The following RAB27A variants were observed in gnomAD, a reference collection of about 807,000 sequenced individuals.
RAB27A encodes ras-related protein Rab-27A.
RAB27A carries 17 observed loss-of-function variants against 20.8 expected under a neutral mutation model. The observed-to-expected ratio is 0.82, with a 90% CI of 0.56 to 1.23. RAB27A has a LOEUF of 1.23. Among genes scored for constraint, RAB27A ranks in the 50% most tolerant of loss-of-function variants. The pLI, the probability that RAB27A is intolerant of heterozygous loss-of-function variation, is 0.00. For missense variants in RAB27A, 277 were observed against 266.7 expected, an observed-to-expected ratio of 1.04 and a Z score of -0.27; for synonymous variants, 85 against 92.8, an observed-to-expected ratio of 0.92 and a Z score of 0.48.
upstream of RAB27A, among the ~76,000 whole-genome samples, chr15:55,290,693 G>C (rs140702846): frequency 2.6e-5 from 4 of 152,362 alleles, no homozygotes; most frequent in African/African-American, 7.2e-5. Context: ...CTGGGACTGC[G>C]TAGGGGGTCA....
At chr15:55,311,630 C>T (rs1300009000) in intron 2 of RAB27A, among the ~76,000 whole-genome samples, 2 of 152,184 alleles carry the variant, frequency 1.3e-5, no homozygotes, top group African/African-American at 4.8e-5. Context: ...CTCCTTATGC[C>T]TTCTTTTCTA....
chr15:55,280,031 A>G (rs967387020), intron 1 of RAB27A, among the ~76,000 whole-genome samples: 2 of 152,138 alleles, frequency 1.3e-5, no homozygotes, highest in Non-Finnish European at 2.9e-5. Context: ...CTGCATTTCT[A>G]TGTTCCCAGG....
intron 2 of RAB27A, among the ~76,000 whole-genome samples, chr15:55,251,507 T>C (rs1896889266): frequency 6.6e-6 from 1 of 152,090 alleles, no homozygotes; most frequent in Non-Finnish European, 1.5e-5. Flanking sequence ...GGTGATCCTT[T>C]CTTGTATCTA....
At chr15:55,222,131 A>C (rs181649866) in intron 6 of RAB27A, among the ~76,000 whole-genome samples, 111 of 152,224 alleles carry the variant, frequency 7.3e-4, no homozygotes, top group Non-Finnish European at 1.4e-3. Flanking sequence ...CTGCCTGAGA[A>C]ACTCCTCCAA....
chr15:55,221,305 A>T (rs1895558375), intron 6 of RAB27A, among the ~76,000 whole-genome samples: 1 of 151,862 alleles, frequency 6.6e-6, no homozygotes, highest in Non-Finnish European at 1.5e-5. Flanking sequence ...GCATTTACTG[A>T]CATACTCTCA....
intron 2 of RAB27A, among the ~76,000 whole-genome samples, chr15:55,308,512 G>A (rs1049249716): frequency 2.0e-5 from 3 of 152,182 alleles, no homozygotes; most frequent in African/African-American, 7.2e-5. Context: ...TGCATACCCT[G>A]CTTTTTGAAG....
At chr15:55,274,829 T>TAGAGAGAG (rs1555399479) in intron 1 of RAB27A, among the ~76,000 whole-genome samples, 2 of 139,008 alleles carry the variant, frequency 1.4e-5, no homozygotes, top group African/African-American at 5.2e-5. Flanking sequence ...TATATATGTA[T>TAGAGAGAG]AGAGAGAGAC....
rs990339977 is a variant in RAB27A at position 55,209,874 on chromosome 15, A to G, written c.468-4169T>C. ...TATGTGTGTATATACATATATACAT[A>G]TATGTGTGTGTATACATATATACAC... On this transcript the variant is annotated intron_variant, in intron 6 of 6. Coordinates refer to ENST00000336787, the MANE Select transcript of RAB27A (RefSeq NM_183235.3). 1.9e-4 allele frequency among the ~76,000 whole-genome samples: 3 copies of G among 15,394 alleles called. 1 individual carries two copies. The allele number at this position is 15,394 out of a possible 152,430, so 10.1% of individuals were successfully genotyped here.
chr15:55,211,933 T>C (rs2140918834), intron 6 of RAB27A, among the ~76,000 whole-genome samples: 1 of 151,780 alleles, frequency 6.6e-6, no homozygotes, highest in South Asian at 2.1e-4. Flanking sequence ...TGCTATTTTA[T>C]TAAATGAGTT....
intron 2 of RAB27A, among the ~76,000 whole-genome samples, chr15:55,302,034 G>A (rs535724042): frequency 1.1e-4 from 17 of 152,060 alleles, no homozygotes; most frequent in Admixed American, 9.2e-4. Context: ...ACAATTAGCC[G>A]ACCATGGTAG....
chr15:55,274,989 G>C (rs943537902), intron 1 of RAB27A, among the ~76,000 whole-genome samples: 1 of 151,328 alleles, frequency 6.6e-6, no homozygotes, highest in Non-Finnish European at 1.5e-5. Context: ...AGTGGCTCAC[G>C]CCTGTAATCC....
intron 2 of RAB27A, among the ~76,000 whole-genome samples, chr15:55,242,222 C>G (rs1896521549): frequency 6.6e-6 from 1 of 152,176 alleles, no homozygotes; most frequent in Non-Finnish European, 1.5e-5. Context: ...AACTGAACAG[C>G]AACATGTAAT....
At chr15:55,219,747 G>A (rs937725971) in intron 6 of RAB27A, among the ~76,000 whole-genome samples, 17 of 152,130 alleles carry the variant, frequency 1.1e-4, no homozygotes, top group Non-Finnish European at 2.4e-4. Flanking sequence ...TTGGCTGGCA[G>A]GAGTGCAAAT....
chr15:55,256,774 C>A (rs2141053558), intron 2 of RAB27A, among the ~76,000 whole-genome samples: 1 of 152,210 alleles, frequency 6.6e-6, no homozygotes, highest in South Asian at 2.1e-4. Flanking sequence ...GGTCACCATC[C>A]CTCTGCAGGC....
chr15:55,319,066 C>A, exon 1 of RAB27A: 1 of 675,938 alleles, frequency 1.5e-6, no homozygotes, highest in South Asian at 2.2e-5. Context: ...AGCAATCCCT[C>A]GGTTCGGAAA....
At chr15:55,287,660 T>C (rs972437832) in intron 1 of RAB27A, among the ~76,000 whole-genome samples, 1 of 151,684 alleles carries the variant, frequency 6.6e-6, no homozygotes, top group Non-Finnish European at 1.5e-5. Context: ...GGCAGGAGAA[T>C]CACTTGAACC....
chr15:55,233,912 AATTTC>A (rs1364894771), intron 3 of RAB27A, among the ~76,000 whole-genome samples: 5 of 152,278 alleles, frequency 3.3e-5, no homozygotes, highest in Non-Finnish European at 1.5e-5. Flanking sequence ...CAATACTAAA[AATTTC>A]ATTAGGGCCC....
rs757937778 is a variant in RAB27A, at chr15:55,234,976, T to G, written c.-22-20A>C. 1.4e-5 allele frequency: 22 copies of G among 1,558,648 alleles called. 1 individual carries two copies. In the South Asian group the frequency reaches 2.5e-4, roughly 18 times the overall value. ...GTTCACCTGTAAAATACACACAAAA[T>G]TTTTTAATTAAAATCCATTAGAAAA... On this transcript the variant is annotated intron_variant, in intron 2 of 6. Transcript: ENST00000336787.
chr15:55,290,076 T>A (rs1898270963), upstream of RAB27A: 1 of 152,204 alleles, frequency 6.6e-6, no homozygotes, highest in Admixed American at 6.5e-5. Flanking sequence ...AGTGTTTTCG[T>A]TTTGGGACAC....
Sources: allele counts gnomAD v4.1 joint callset (sites outside exome capture counted in the v4.1 genomes callset), GRCh38; gene constraint gnomAD v4.1.1; transcripts MANE v1.5; gene names NCBI Gene and HGNC (gene_info 2026-07-23, HGNC 2026-07-21).